The following CTNNA2 variants were observed in gnomAD, a reference collection of about 807,000 sequenced individuals.
The protein encoded by CTNNA2 is catenin alpha-2.
In CTNNA2, 42 loss-of-function variants were observed where a neutral mutation model predicts 101.0. The ratio of observed to expected loss-of-function variants is 0.42; its 90% CI spans 0.32 to 0.54. The LOEUF is 0.54. Ranked by LOEUF, CTNNA2 falls within the 20% of genes least tolerant of loss-of-function variation. The pLI, the probability that CTNNA2 is intolerant of heterozygous loss-of-function variation, is 0.14. For synonymous variants in CTNNA2, 450 were observed against 456.4 expected (o/e 0.99, Z 0.18); for missense variants, 871 against 1,223.1 (o/e 0.71, Z 4.29).
intron 1 of CTNNA2, among the ~76,000 whole-genome samples, chr2:79,603,156 A>G (rs1421427176): frequency 6.6e-6 from 1 of 152,174 alleles, no homozygotes; most frequent in Non-Finnish European, 1.5e-5. Context: ...GAAAAAAAAG[A>G]TAGAAAAGTT....
At chr2:79,642,729 C>G (rs1161787222) in intron 1 of CTNNA2, among the ~76,000 whole-genome samples, 3 of 151,866 alleles carry the variant, frequency 2.0e-5, no homozygotes, top group Middle Eastern at 3.4e-3. Context: ...AGCCAGGATG[C>G]CTTTTACTCT....
At chr2:79,458,636 G>T (rs1285057239) in intron 4 of CTNNA2, among the ~76,000 whole-genome samples, 1 of 152,100 alleles carries the variant, frequency 6.6e-6, no homozygotes, top group East Asian at 1.9e-4. Flanking sequence ...AAGAGTTGGT[G>T]CCCTCTCAAG....
chr2:79,583,528 A>G (rs921671283), intron 1 of CTNNA2, among the ~76,000 whole-genome samples: 6 of 151,830 alleles, frequency 4.0e-5, no homozygotes, highest in Non-Finnish European at 5.9e-5. Flanking sequence ...CTTTTGGGTA[A>G]ATGCCTAGGA....
intron 3 of CTNNA2, among the ~76,000 whole-genome samples, chr2:79,845,763 C>T (rs1198520835): frequency 3.9e-5 from 6 of 152,112 alleles, no homozygotes; most frequent in African/African-American, 2.4e-5. Context: ...AAATCAATTT[C>T]GTTCATTACC....
At chr2:79,359,465 G>C (rs1217190138) in intron 3 of CTNNA2, among the ~76,000 whole-genome samples, 1 of 152,046 alleles carries the variant, frequency 6.6e-6, no homozygotes, top group Non-Finnish European at 1.5e-5. Context: ...CTTTCTTCCA[G>C]GCATTCACAT....
intron 7 of CTNNA2, among the ~76,000 whole-genome samples, chr2:79,931,276 A>G (rs1160180451): frequency 6.6e-6 from 1 of 152,154 alleles, no homozygotes; most frequent in Non-Finnish European, 1.5e-5. Flanking sequence ...AATTATATTT[A>G]TCTATGAATA....
intron 7 of CTNNA2, among the ~76,000 whole-genome samples, chr2:80,231,343 C>T (rs563960416): frequency 6.0e-4 from 92 of 152,260 alleles, no homozygotes; most frequent in African/African-American, 2.0e-3. Flanking sequence ...TGGTTCAGAG[C>T]GTCACCTCTG....
At chr2:79,375,900 A>T (rs1013096308) in intron 4 of CTNNA2, among the ~76,000 whole-genome samples, 1 of 152,180 alleles carries the variant, frequency 6.6e-6, no homozygotes, top group East Asian at 1.9e-4. Context: ...TAATCAAGAA[A>T]TGCTTAAAAC....
chr2:80,224,236 C>A (rs1708740243), intron 7 of CTNNA2, among the ~76,000 whole-genome samples: 1 of 152,130 alleles, frequency 6.6e-6, no homozygotes, highest in African/African-American at 2.4e-5. Flanking sequence ...TTATACCAAC[C>A]ACATCATCTT....
intron 3 of CTNNA2, among the ~76,000 whole-genome samples, chr2:79,816,551 C>A (rs1449274141): frequency 6.6e-6 from 1 of 152,046 alleles, no homozygotes; most frequent in East Asian, 1.9e-4. Flanking sequence ...AGAGCAGGAG[C>A]ATATATCTCC....
At chr2:80,090,841 G>T (rs1699751300) in intron 7 of CTNNA2, among the ~76,000 whole-genome samples, 1 of 151,956 alleles carries the variant, frequency 6.6e-6, no homozygotes, top group South Asian at 2.1e-4. Flanking sequence ...TAAGATTCTA[G>T]TTTTTATATG....
intron 1 of CTNNA2, among the ~76,000 whole-genome samples, chr2:79,532,928 T>C (rs1244015200): frequency 6.6e-6 from 1 of 152,048 alleles, no homozygotes; most frequent in Non-Finnish European, 1.5e-5. Context: ...ATAGCTCCCA[T>C]TCCAAAAAGA....
chr2:80,050,344 C>T (rs1696797294), intron 7 of CTNNA2, among the ~76,000 whole-genome samples: 1 of 152,170 alleles, frequency 6.6e-6, no homozygotes, highest in Non-Finnish European at 1.5e-5. Context: ...CAGCGTGTTC[C>T]TTCCTTTTTC....
chr2:79,470,407 T>C (rs559157703), intron 4 of CTNNA2, among the ~76,000 whole-genome samples: 91 of 152,296 alleles, frequency 6.0e-4, no homozygotes, highest in Non-Finnish European at 8.7e-4. Context: ...AGAGGTAATA[T>C]GAAACTGAGT....
At chr2:80,392,397 A>G (rs1483878504) in intron 7 of CTNNA2, among the ~76,000 whole-genome samples, 1 of 152,206 alleles carries the variant, frequency 6.6e-6, no homozygotes, top group Non-Finnish European at 1.5e-5. Context: ...GATTATTGTC[A>G]TCCATAAAGT....
chr2:80,199,877 C>A (rs1707092074), intron 7 of CTNNA2, among the ~76,000 whole-genome samples: 1 of 152,132 alleles, frequency 6.6e-6, no homozygotes, highest in Admixed American at 6.6e-5. Context: ...AAAGTGGAAC[C>A]AGGAATTGTG....
At chr2:79,219,374 T>A (rs1674312233) in intron 2 of CTNNA2, among the ~76,000 whole-genome samples, 1 of 152,206 alleles carries the variant, frequency 6.6e-6, no homozygotes, top group South Asian at 2.1e-4. Context: ...TTTCGCACCG[T>A]CCTATAGAGT....
At chr2:79,800,562 C>T (rs1405581523) in intron 3 of CTNNA2, among the ~76,000 whole-genome samples, 1 of 152,060 alleles carries the variant, frequency 6.6e-6, no homozygotes, top group Non-Finnish European at 1.5e-5. Context: ...TGGAAGATGA[C>T]CGGTGTCTTG....
chr2:80,222,086 C>T (rs1426968824), intron 7 of CTNNA2, among the ~76,000 whole-genome samples: 1 of 152,166 alleles, frequency 6.6e-6, no homozygotes, highest in African/African-American at 2.4e-5. Flanking sequence ...AACACATCCC[C>T]TTTGCCCAAG....
Sources: gnomAD v4.1 joint callset for allele counts (sites outside exome capture counted in the v4.1 genomes callset) on GRCh38, gnomAD v4.1.1 for gene constraint, MANE v1.5 for transcripts, NCBI Gene and HGNC (gene_info 2026-07-23, HGNC 2026-07-21) for gene names.